The following BANK1 variants were observed in gnomAD, a reference collection of about 807,000 sequenced individuals.
BANK1 encodes the protein B-cell scaffold protein with ankyrin repeats.
Under a neutral mutation model 94.5 loss-of-function variants are expected in BANK1, and 95 were observed. That is an observed-to-expected ratio of 1.00 (90% CI 0.85 to 1.19). The LOEUF (loss-of-function observed/expected upper bound fraction) is 1.19. Ranked by LOEUF, BANK1 falls within the 50% of genes most tolerant of loss-of-function variation. The pLI is 0.00. For synonymous variants in BANK1, 334 were observed against 308.4 expected, an observed-to-expected ratio of 1.08 and a Z score of -0.87; for missense variants, 987 against 932.2, an observed-to-expected ratio of 1.06 and a Z score of -0.77.
At chr4:101,902,653 A>G (rs938631410) in intron 6 of BANK1, among the ~76,000 whole-genome samples, 29 of 152,116 alleles carry the variant, frequency 1.9e-4, no homozygotes, top group Non-Finnish European at 4.1e-4. Context: ...ACTTTTTTAC[A>G]TCTTTGAAAT....
intron 7 of BANK1, among the ~76,000 whole-genome samples, chr4:101,954,868 T>C (rs928355131): frequency 2.0e-5 from 3 of 152,198 alleles, no homozygotes; most frequent in Non-Finnish European, 4.4e-5. Flanking sequence ...GACAGCAGTT[T>C]TGAGCACCTT....
intron 1 of BANK1, among the ~76,000 whole-genome samples, chr4:101,798,787 T>C (rs867230771): frequency 6.6e-6 from 1 of 152,218 alleles, no homozygotes; most frequent in East Asian, 1.9e-4. Flanking sequence ...TCATATCCTT[T>C]GCCCACTTTT....
At chr4:101,846,522 G>T (rs546834556) in intron 2 of BANK1, among the ~76,000 whole-genome samples, 3 of 152,274 alleles carry the variant, frequency 2.0e-5, no homozygotes, top group African/African-American at 7.2e-5. Flanking sequence ...TTTTTAAGAA[G>T]ACTGGGTAAT....
At chr4:101,841,957 G>GCTA (rs1337183207) in intron 2 of BANK1, among the ~76,000 whole-genome samples, 7 of 151,726 alleles carry the variant, frequency 4.6e-5, no homozygotes, top group Non-Finnish European at 8.8e-5. Context: ...TTATAGATAA[G>GCTA]CTACTCACAG....
At chr4:101,902,706 C>G (rs1722323972) in intron 6 of BANK1, among the ~76,000 whole-genome samples, 1 of 152,090 alleles carries the variant, frequency 6.6e-6, no homozygotes, top group South Asian at 2.1e-4. Flanking sequence ...TCAGTTCTTC[C>G]AAATAAATAT....
chr4:101,808,262 T>C (rs1459233473), intron 1 of BANK1, among the ~76,000 whole-genome samples: 1 of 152,166 alleles, frequency 6.6e-6, no homozygotes, highest in East Asian at 1.9e-4. Flanking sequence ...GACATTTCTG[T>C]TTTTTAGATA....
At chr4:102,014,450 C>G (rs1272102786) in intron 7 of BANK1, among the ~76,000 whole-genome samples, 1 of 152,124 alleles carries the variant, frequency 6.6e-6, no homozygotes, top group Non-Finnish European at 1.5e-5. Context: ...GCTATTGGAA[C>G]CAGATTCAGA....
At chr4:101,954,574 A>G (rs1189908125) in intron 7 of BANK1, among the ~76,000 whole-genome samples, 1 of 152,116 alleles carries the variant, frequency 6.6e-6, no homozygotes, top group Non-Finnish European at 1.5e-5. Context: ...GGGAAGAGAC[A>G]TGACAAGCAC....
At chr4:101,938,131 T>C (rs546704838) in intron 7 of BANK1, among the ~76,000 whole-genome samples, 2 of 151,854 alleles carry the variant, frequency 1.3e-5, no homozygotes, top group South Asian at 4.2e-4. Context: ...GAGGAATACC[T>C]AATGTAGATG....
Position 101,817,438 on chromosome 4 carries a change from A to G in BANK1, c.71-12370A>G, listed in dbSNP as rs1578334047. Among the ~76,000 whole-genome samples the G allele has an allele frequency of 2.0e-5, 3 of 152,200 alleles. No homozygotes were observed. The East Asian group carries it at 5.8e-4, about 29-fold the overall frequency. ...CAAACTAATGCATGAGCAGAAAACC[A>G]AATACCGAATGTTCTTACTTATAAG... On this transcript the variant is annotated intron_variant, in intron 1 of 16. Transcript: ENST00000322953.
chr4:101,905,626 G>A (rs1722423026), intron 6 of BANK1, among the ~76,000 whole-genome samples: 1 of 152,048 alleles, frequency 6.6e-6, no homozygotes, highest in Admixed American at 6.5e-5. Context: ...CAAGCCCCAG[G>A]AAATGGGGTA....
rs1384887439 is a variant in BANK1 at position 101,839,936 on chromosome 4, AAT to A, written c.469+9731_469+9732del. On this transcript the variant is annotated intron_variant, in intron 2 of 16. Coordinates refer to ENST00000322953, the MANE Select transcript of BANK1 (RefSeq NM_017935.5). ...AGCTACTATATAATTTCAAATATTT[AAT>A]TTTTTTTTTTTTTTTTTTTTTTTTT... Among the ~76,000 whole-genome samples, 586 of 78,972 alleles carry A rather than the reference AAT, an allele frequency of 7.4e-3. 26 individuals are homozygous for A. Among genetic ancestry groups the A allele is most frequent in the African/African-American group, 0.025 (544 of 21,704 alleles). 51.8% of individuals were successfully genotyped at this position (78,972 alleles called of 152,430 possible).
At chr4:101,818,808 G>A (rs572773325) in intron 1 of BANK1, among the ~76,000 whole-genome samples, 1 of 151,026 alleles carries the variant, frequency 6.6e-6, no homozygotes, top group East Asian at 1.9e-4. Flanking sequence ...TATGCTATCT[G>A]TAGTTTCAGG....
At chr4:101,858,917 G>A (rs953147877) in intron 3 of BANK1, among the ~76,000 whole-genome samples, 1 of 151,966 alleles carries the variant, frequency 6.6e-6, no homozygotes, top group Non-Finnish European at 1.5e-5. Context: ...TCAGCCCTTC[G>A]ACAGACCATG....
chr4:102,024,118 A>G (rs1228644819), intron 8 of BANK1, among the ~76,000 whole-genome samples: 1 of 152,202 alleles, frequency 6.6e-6, no homozygotes, highest in African/African-American at 2.4e-5. Flanking sequence ...ATTCCATATA[A>G]TAATATGGGC....
At chr4:101,905,358 C>A (rs1356869310) in intron 6 of BANK1, among the ~76,000 whole-genome samples, 1 of 152,142 alleles carries the variant, frequency 6.6e-6, no homozygotes, top group Non-Finnish European at 1.5e-5. Flanking sequence ...GGGGGACAGA[C>A]ATTGCACGGG....
chr4:101,853,671 TA>T (rs1194176715), intron 2 of BANK1, among the ~76,000 whole-genome samples: 1 of 152,142 alleles, frequency 6.6e-6, no homozygotes, highest in African/African-American at 2.4e-5. Flanking sequence ...TGATTTGACA[TA>T]TTAATGGAAT....
At chr4:101,793,158 G>A (rs2148847238) in intron 1 of BANK1, among the ~76,000 whole-genome samples, 1 of 152,224 alleles carries the variant, frequency 6.6e-6, no homozygotes, top group Non-Finnish European at 1.5e-5. Flanking sequence ...TGAAAGGGTG[G>A]AATTAGCATT....
chr4:102,015,145 A>G (rs1350808467), intron 7 of BANK1, among the ~76,000 whole-genome samples: 1 of 152,050 alleles, frequency 6.6e-6, no homozygotes, highest in Non-Finnish European at 1.5e-5. Context: ...CTGATACCCA[A>G]TTAATTAGTT....
Sources: gnomAD v4.1 joint callset for allele counts (sites outside exome capture counted in the v4.1 genomes callset) on GRCh38, gnomAD v4.1.1 for gene constraint, MANE v1.5 for transcripts, NCBI Gene and HGNC (gene_info 2026-07-23, HGNC 2026-07-21) for gene names.